The following PLEKHD1 variants were observed in gnomAD, a reference collection of about 807,000 sequenced individuals.
PLEKHD1 encodes the protein pleckstrin homology and coiled-coil domain containing D1.
In PLEKHD1, 51 loss-of-function variants were observed where a neutral mutation model predicts 69.2. The observed-to-expected ratio is 0.74, with a 90% CI of 0.59 to 0.93. The LOEUF is 0.93. Among genes scored for constraint, PLEKHD1 ranks in the 40% least tolerant of loss-of-function variants. The pLI is 0.00. For synonymous variants in PLEKHD1, 236 were observed against 244.7 expected (o/e 0.96, Z 0.33); for missense variants, 584 against 641.0 (o/e 0.91, Z 0.96).
Position 69,513,244 on chromosome 14 carries a change from TAATAAAATAA to T in PLEKHD1, c.556-9016_556-9007del, listed in dbSNP as rs149972358. ...AAAAATAAAATAAAATAAAATAAAA[TAATAAAATAA>T]AATAAAATAAAATAAAATAAAAAAG... On this transcript the variant is annotated intron_variant, in intron 6 of 12. Transcript: ENST00000322564. Among the ~76,000 whole-genome samples, 1,300 of 149,994 alleles carry T rather than the reference TAATAAAATAA, an allele frequency of 8.7e-3. 16 individuals carry two copies. Among genetic ancestry groups the T allele is most frequent in the African/African-American group, 0.029 (1,205 of 40,914 alleles).
the PLEKHD1 span, among the ~76,000 whole-genome samples, chr14:69,474,064 G>A: frequency 6.6e-6 from 1 of 152,018 alleles, no homozygotes; most frequent in Non-Finnish European, 1.5e-5. Context: ...ACTCCTCTTA[G>A]GAGCCTGCCA....
Position 69,529,838 on chromosome 14 carries a change from A to G in PLEKHD1, c.*1419A>G, listed in dbSNP as rs2139538632. 6.6e-6 allele frequency: 1 copy of G among 152,318 alleles called. No homozygotes were observed. Among genetic ancestry groups the G allele is most frequent in the Admixed American group, 6.5e-5 (1 of 15,286 alleles). The allele number at this position is 152,318 out of a possible 1,614,324, so 9.4% of individuals were successfully genotyped here. A position where few individuals can be genotyped will look rare whatever the true frequency, so the allele number is the denominator to read the frequency against. ...TCATTGGGAGTGAAGCTGAAACGCC[A>G]ATCTGCAGCTTCTGTGGAAGACCAC... On this transcript the variant is annotated 3_prime_UTR_variant, in exon 13 of 13. Coordinates refer to ENST00000322564, the MANE Select transcript of PLEKHD1 (RefSeq NM_001161498.2).
At chr14:69,522,134 C>T (rs762025860) in intron 6 of PLEKHD1, 149 bp from the exon 7 acceptor site, 51 of 672,916 alleles carry the variant, frequency 7.6e-5, no homozygotes, top group Middle Eastern at 5.2e-4. Flanking sequence ...GTGGGGCCAG[C>T]GGGCCTTAGA....
At chr14:69,478,203 C>A in the PLEKHD1 span, among the ~76,000 whole-genome samples, 1 of 152,210 alleles carries the variant, frequency 6.6e-6, no homozygotes. Flanking sequence ...TCTACGTTGT[C>A]CCCTTTCAGC....
Position 69,527,238 on chromosome 14 carries a change from A to AG in PLEKHD1, c.1111dup (p.Ala371GlyfsTer16). ...TGGAGAGGCGTCTCCGGGAGGCAGA[A>AG]GGGGCCTTGCGAAGCCTGGAACAGG... On this transcript the variant is annotated frameshift_variant, in exon 11 of 13. Transcript: ENST00000322564. LOFTEE classifies it high-confidence loss of function. 6.4e-7 allele frequency: 1 copy of AG among 1,551,718 alleles called. No individual in the cohort carries two copies. Among genetic ancestry groups the AG allele is most frequent in the Non-Finnish European group, 8.7e-7 (1 of 1,146,976 alleles).
At chr14:69,505,122 G>A (rs1883122231) in intron 6 of PLEKHD1, among the ~76,000 whole-genome samples, 1 of 152,162 alleles carries the variant, frequency 6.6e-6, no homozygotes, top group African/African-American at 2.4e-5. Flanking sequence ...AGGGAAGGAG[G>A]GAGGCCTGTC....
chr14:69,471,090 C>CTTTTTT, the PLEKHD1 span, among the ~76,000 whole-genome samples: 3 of 44,750 alleles, frequency 6.7e-5, no homozygotes, highest in Admixed American at 3.6e-4. Flanking sequence ...CGTGCCTGGC[C>CTTTTTT]TTTTTTTTTT....
rs1433529469 is a variant in PLEKHD1 at position 69,489,578 on chromosome 14, AAAAGG to A, written c.149+4468_149+4472del. 2.5e-3 allele frequency among the ~76,000 whole-genome samples: 380 copies of A among 149,942 alleles called. 7 individuals are homozygous for A. In the South Asian group the frequency reaches 0.034, roughly 14 times the overall value. On this transcript the variant is annotated intron_variant, in intron 1 of 12. Transcript: ENST00000322564. ...CATCTCAAAAAAAAAAAAAAAAAAA[AAAAGG>A]AAAAAAAAAGAAAGTGAATCTAAGC...
At chr14:69,494,522 CTCA>C (rs1289072685) in intron 1 of PLEKHD1, among the ~76,000 whole-genome samples, 1 of 152,224 alleles carries the variant, frequency 6.6e-6, no homozygotes, top group Non-Finnish European at 1.5e-5. Flanking sequence ...CCTCAGTTTC[CTCA>C]TCTGTGAAAT....
Position 69,528,628 on chromosome 14 carries a change from G to A in PLEKHD1, c.*209G>A, listed in dbSNP as rs1307305049. ...ATCCTCACCCCACACCCCACCTTTG[G>A]GTCCACACCAGGGCCATGCAGGCCT... On this transcript the variant is annotated 3_prime_UTR_variant, in exon 13 of 13. Transcript: ENST00000322564. 4.4e-6 allele frequency: 3 copies of A among 678,294 alleles called. No homozygotes were observed. The highest frequency in any genetic ancestry group is 3.9e-5 in the South Asian group (2 of 51,442). The allele number at this position is 678,294 out of a possible 1,614,324, so 42.0% of individuals were successfully genotyped here.
chr14:69,501,641 C>A, intron 4 of PLEKHD1, 93 bp from the exon 5 acceptor site: 2 of 965,652 alleles, frequency 2.1e-6, no homozygotes, highest in Non-Finnish European at 3.1e-6. Context: ...GAGTACAAAA[C>A]GTATGCCTTC....
At chr14:69,481,832 G>A (rs1202310075), upstream of PLEKHD1, among the ~76,000 whole-genome samples, 6 of 152,180 alleles carry the variant, frequency 3.9e-5, no homozygotes, top group Admixed American at 3.9e-4. Context: ...ACCCCTGACT[G>A]GTCTCACTTA....
intron 1 of PLEKHD1, among the ~76,000 whole-genome samples, chr14:69,499,394 C>T (rs535970993): frequency 5.3e-5 from 8 of 152,332 alleles, no homozygotes; most frequent in African/African-American, 1.4e-4. Flanking sequence ...GGGCTTTGAG[C>T]GCCAATCGGA....
intron 6 of PLEKHD1, among the ~76,000 whole-genome samples, chr14:69,517,994 TTTTATTTATTTATTTA>T (rs572500099): frequency 2.4e-4 from 31 of 126,888 alleles, no homozygotes; most frequent in Admixed American, 1.3e-3. Context: ...CCTGATCTGA[TTTTATTTATTTATTTA>T]TTTATTTATT....
chr14:69,488,726 T>C (rs1163501139), intron 1 of PLEKHD1, among the ~76,000 whole-genome samples: 6 of 152,090 alleles, frequency 3.9e-5, no homozygotes, highest in Non-Finnish European at 5.9e-5. Flanking sequence ...TGGGGAACAG[T>C]GTCTCTGCCT....
chr14:69,501,647 C>T, intron 4 of PLEKHD1, 87 bp from the exon 5 acceptor site: 1 of 974,612 alleles, frequency 1.0e-6, no homozygotes, highest in Admixed American at 2.6e-5. Flanking sequence ...AAAACGTATG[C>T]CTTCTCTTTC....
chr14:69,523,041 T>C (rs377430178), intron 7 of PLEKHD1, among the ~76,000 whole-genome samples: 22 of 152,266 alleles, frequency 1.4e-4, no homozygotes, highest in African/African-American at 5.3e-4. Context: ...CAAGTGATTC[T>C]TGTGCCTCAG....
chr14:69,492,395 C>T (rs572187394), intron 1 of PLEKHD1, among the ~76,000 whole-genome samples: 38 of 152,306 alleles, frequency 2.5e-4, no homozygotes, highest in Non-Finnish European at 4.9e-4. Flanking sequence ...TCTTCCTATA[C>T]CTAATATAAA....
intron 6 of PLEKHD1, among the ~76,000 whole-genome samples, chr14:69,505,699 G>A (rs900666619): frequency 1.3e-5 from 2 of 152,304 alleles, no homozygotes; most frequent in East Asian, 1.9e-4. Context: ...AGTAGAACGC[G>A]GGGAAGGGAT....
Sources: allele counts gnomAD v4.1 joint callset (sites outside exome capture counted in the v4.1 genomes callset), GRCh38; gene constraint gnomAD v4.1.1; transcripts MANE v1.5; gene names NCBI Gene and HGNC (gene_info 2026-07-23, HGNC 2026-07-21).